KIAA1958: variants seen among roughly 807,000 people sequenced by gnomAD.
The protein encoded by KIAA1958 is uncharacterized protein KIAA1958.
Under a neutral mutation model 47.2 loss-of-function variants are expected in KIAA1958, and 14 were observed. The observed-to-expected ratio is 0.30, with a 90% CI of 0.20 to 0.46. The LOEUF is 0.46. KIAA1958 is among the 20% of genes least tolerant of loss of function. The pLI, the probability that KIAA1958 is intolerant of heterozygous loss-of-function variation, is 1.00. For missense variants in KIAA1958, 803 were observed against 909.2 expected, an observed-to-expected ratio of 0.88 and a Z score of 1.50; for synonymous variants, 354 against 353.3, an observed-to-expected ratio of 1.00 and a Z score of -0.02.
At chr9:112,567,726 A>T (rs1255015110) in intron 1 of KIAA1958, among the ~76,000 whole-genome samples, 1 of 152,122 alleles carries the variant, frequency 6.6e-6, no homozygotes, top group Non-Finnish European at 1.5e-5. Context: ...TGGGAGGCCG[A>T]GGTGGGTGGA....
intron 2 of KIAA1958, chr9:112,617,935 G>C (rs1836434951): frequency 1.9e-6 from 3 of 1,550,440 alleles, no homozygotes; most frequent in Non-Finnish European, 2.6e-6. Context: ...GGAGCACGCA[G>C]ACCGCGCTCC....
rs761927007 is a variant in KIAA1958, at chr9:112,575,146, G to A, written c.1066G>A (p.Ala356Thr). The change falls in exon 2 of 4, where the codon GCC becomes ACC. Residue 356 changes from alanine to threonine, a missense_variant. By Grantham distance (58) the Ala-to-Thr change is moderately conservative. This residue lies in a region of KIAA1958 where 761 missense variants were observed against 829.3 expected (regional missense o/e 0.92). Coordinates refer to ENST00000337530, the MANE Select transcript of KIAA1958 (RefSeq NM_133465.4). ...CAGCCAGGTCTCCTCCTGTGAGGTA[G>A]CCCTTTCTCCCTCAGTTAACACAGA... ...LPSQVSSCEV[A>T]LSPSVNTEPE... The A allele has an allele frequency of 3.7e-6, 6 of 1,602,020 alleles. No individual in the cohort carries two copies. In the South Asian group the frequency reaches 5.5e-5, roughly 15 times the overall value.
intron 1 of KIAA1958, among the ~76,000 whole-genome samples, chr9:112,544,092 A>G (rs1214894863): frequency 6.6e-6 from 1 of 151,986 alleles, no homozygotes; most frequent in Non-Finnish European, 1.5e-5. Context: ...TGTATATCCA[A>G]CCTTTGTGCA....
chr9:112,561,230 A>G (rs1197146329), intron 1 of KIAA1958, among the ~76,000 whole-genome samples: 1 of 151,662 alleles, frequency 6.6e-6, no homozygotes, highest in African/African-American at 2.4e-5. Flanking sequence ...AATTTTTTGT[A>G]TTTTTAGTAG....
chr9:112,583,630 G>C (rs1249513877), intron 2 of KIAA1958, among the ~76,000 whole-genome samples: 3 of 152,198 alleles, frequency 2.0e-5, no homozygotes, highest in African/African-American at 2.4e-5. Flanking sequence ...CAGTGAAATA[G>C]ATGAATCAGC....
intron 2 of KIAA1958, among the ~76,000 whole-genome samples, chr9:112,637,838 A>G (rs1445931934): frequency 6.6e-6 from 1 of 151,830 alleles, no homozygotes; most frequent in Admixed American, 6.6e-5. Context: ...CTTTTTTTCC[A>G]GTTTCTTTTT....
At chr9:112,497,234 C>T (rs988774857) in intron 1 of KIAA1958, among the ~76,000 whole-genome samples, 1 of 152,106 alleles carries the variant, frequency 6.6e-6, no homozygotes, top group Non-Finnish European at 1.5e-5. Context: ...AAGCCCCAAC[C>T]CTCCAGTACC....
At chr9:112,546,969 G>C (rs1835046430) in intron 1 of KIAA1958, among the ~76,000 whole-genome samples, 1 of 151,288 alleles carries the variant, frequency 6.6e-6, no homozygotes, top group Non-Finnish European at 1.5e-5. Flanking sequence ...TTTTGAGACA[G>C]TCCCGTCTGC....
At chr9:112,585,315 G>T (rs1158514060) in intron 2 of KIAA1958, among the ~76,000 whole-genome samples, 1 of 152,192 alleles carries the variant, frequency 6.6e-6, no homozygotes, top group Non-Finnish European at 1.5e-5. Flanking sequence ...TATAGCTGAA[G>T]ATTTATGAAG....
chr9:112,580,663 T>C (rs953811631), intron 2 of KIAA1958, among the ~76,000 whole-genome samples: 15 of 151,998 alleles, frequency 9.9e-5, no homozygotes, highest in African/African-American at 3.6e-4. Flanking sequence ...GGCAGGCGCC[T>C]GTAGTCCCAG....
At chr9:112,634,796 T>C (rs1232254545) in intron 2 of KIAA1958, among the ~76,000 whole-genome samples, 1 of 152,186 alleles carries the variant, frequency 6.6e-6, no homozygotes. Context: ...CTTTTTACTT[T>C]TGGGGTAGTG....
intron 1 of KIAA1958, among the ~76,000 whole-genome samples, chr9:112,493,614 T>G (rs913764464): frequency 3.9e-5 from 6 of 152,208 alleles, no homozygotes; most frequent in Non-Finnish European, 7.3e-5. Flanking sequence ...TTAGTCTTAG[T>G]TTTTCATTTA....
chr9:112,660,177 C>G lies in KIAA1958; in HGVS notation c.*108C>G. ...GGCTGACCAGGTGTGACCTCCCGGT[C>G]TGGCGGCTCTCCCCTGGTGTGGCCT... On this transcript the variant is annotated 3_prime_UTR_variant, in exon 4 of 4. Coordinates refer to ENST00000337530, the MANE Select transcript of KIAA1958 (RefSeq NM_133465.4). The G allele has an allele frequency of 2.2e-6, 2 of 914,408 alleles. No homozygotes were observed. The highest frequency in any genetic ancestry group is 3.3e-6 in the Non-Finnish European group (2 of 599,680). 56.6% of individuals were successfully genotyped at this position (914,408 alleles called of 1,614,324 possible). A position where few individuals can be genotyped will look rare whatever the true frequency, so the allele number is the denominator to read the frequency against.
intron 1 of KIAA1958, among the ~76,000 whole-genome samples, chr9:112,527,734 C>T (rs957364606): frequency 6.6e-5 from 10 of 152,056 alleles, no homozygotes; most frequent in Non-Finnish European, 8.8e-5. Context: ...CCCAGGAGTT[C>T]AAGACCAGCC....
chr9:112,507,541 G>C (rs539259011), intron 1 of KIAA1958, among the ~76,000 whole-genome samples: 1 of 152,130 alleles, frequency 6.6e-6, no homozygotes, highest in East Asian at 1.9e-4. Flanking sequence ...TAGAGATAGG[G>C]CCTCACAATA....
At chr9:112,624,822 A>G (rs1314047186) in intron 2 of KIAA1958, among the ~76,000 whole-genome samples, 1 of 152,142 alleles carries the variant, frequency 6.6e-6, no homozygotes, top group Non-Finnish European at 1.5e-5. Context: ...GTTAATGTAA[A>G]CCATTGTCTT....
chr9:112,498,906 C>T (rs565732662), intron 1 of KIAA1958, among the ~76,000 whole-genome samples: 3 of 152,328 alleles, frequency 2.0e-5, no homozygotes, highest in South Asian at 4.1e-4. Flanking sequence ...TCCCTTTACT[C>T]TTCCCAGCCT....
intron 2 of KIAA1958, among the ~76,000 whole-genome samples, chr9:112,606,170 C>T (rs1193326581): frequency 6.6e-6 from 1 of 152,144 alleles, no homozygotes; most frequent in Non-Finnish European, 1.5e-5. Flanking sequence ...AGGTTTCAGG[C>T]TTCAGCACCT....
intron 2 of KIAA1958, among the ~76,000 whole-genome samples, chr9:112,599,515 A>G (rs1319584038): frequency 6.6e-6 from 1 of 152,182 alleles, no homozygotes; most frequent in Non-Finnish European, 1.5e-5. Context: ...GATATTGAAA[A>G]CAATGGAACA....
Sources: allele counts gnomAD v4.1 joint callset (sites outside exome capture counted in the v4.1 genomes callset), GRCh38; gene constraint gnomAD v4.1.1; regional missense constraint gnomAD v4.1.1; transcripts MANE v1.5; gene names NCBI Gene and HGNC (gene_info 2026-07-23, HGNC 2026-07-21).